Variants in PCDHGA2 observed in about 807,000 individuals in gnomAD.
PCDHGA2 encodes protocadherin gamma-A2.
PCDHGA2 carries 40 observed loss-of-function variants against 59.2 expected under a neutral mutation model. The ratio of observed to expected loss-of-function variants is 0.68; its 90% CI spans 0.52 to 0.88. The LOEUF is 0.88. Ranked by LOEUF, PCDHGA2 falls within the 40% of genes least tolerant of loss-of-function variation. The pLI, the probability that PCDHGA2 is intolerant of heterozygous loss-of-function variation, is 0.00. For synonymous variants in PCDHGA2, 560 were observed against 526.0 expected (o/e 1.06, Z -0.89); for missense variants, 1,226 against 1,204.0 (o/e 1.02, Z -0.27).
At chr5:141,464,729 G>T (rs1412585185) in intron 1 of PCDHGA2, among the ~76,000 whole-genome samples, 1 of 151,948 alleles carries the variant, frequency 6.6e-6, no homozygotes, top group Non-Finnish European at 1.5e-5. Context: ...ATGTTTAAAA[G>T]CCAGTTTATA....
intron 1 of PCDHGA2, chr5:141,427,957 C>G (rs770633827): frequency 1.3e-5 from 20 of 1,588,284 alleles, no homozygotes; most frequent in African/African-American, 2.7e-5. Flanking sequence ...GACAATGTGC[C>G]GCGGGTGCTG....
At chr5:141,403,724 G>A (rs373210176) in intron 1 of PCDHGA2, 2 of 1,613,924 alleles carry the variant, frequency 1.2e-6, no homozygotes, top group Non-Finnish European at 1.7e-6. Flanking sequence ...CGTGCCCCCA[G>A]GCACCTGGCT....
chr5:141,410,036 A>G, intron 1 of PCDHGA2: 1 of 1,613,240 alleles, frequency 6.2e-7, no homozygotes, highest in Non-Finnish European at 8.5e-7. Flanking sequence ...GCTGCAGGCC[A>G]GTGAGCCCGG....
Position 141,339,952 on chromosome 5 carries a change from T to C in PCDHGA2, c.981T>C (p.Leu327=), listed in dbSNP as rs1438037347. The change falls in exon 1 of 4, where the codon CTT becomes CTC. Residue 327 remains leucine (L), a synonymous_variant. Transcript: ENST00000394576. The part of the protein sequence containing the change: ...IDIEAQDGPG[L]LTRAKVIVTV... ...TTGAAGCTCAGGATGGTCCGGGCCTTCTAACCAGAGCGAAGGTTATCGTCA... is the reference window on the plus strand; with the variant it reads ...TTGAAGCTCAGGATGGTCCGGGCCTCCTAACCAGAGCGAAGGTTATCGTCA... 1 of 1,614,170 alleles carries C rather than the reference T, an allele frequency of 6.2e-7. No homozygotes were observed. The highest frequency in any genetic ancestry group is 8.5e-7 in the Non-Finnish European group (1 of 1,180,010).
chr5:141,352,256 G>C (rs1367377007), intron 1 of PCDHGA2: 10 of 1,614,092 alleles, frequency 6.2e-6, no homozygotes, highest in Non-Finnish European at 8.5e-6. Context: ...TAGCCTGCAA[G>C]AGGTATTGCC....
intron 1 of PCDHGA2, chr5:141,393,176 A>G: frequency 1.9e-6 from 3 of 1,613,294 alleles, no homozygotes; most frequent in East Asian, 2.2e-5. Context: ...GGGTAGAAAT[A>G]GAAATAATTG....
intron 1 of PCDHGA2, among the ~76,000 whole-genome samples, chr5:141,448,422 T>C (rs1561930551): frequency 3.9e-5 from 6 of 152,150 alleles, no homozygotes; most frequent in Admixed American, 3.3e-4. Flanking sequence ...CAATATACTA[T>C]GTATATATTG....
chr5:141,357,196 G>A (rs1458493906), intron 1 of PCDHGA2: 3 of 1,613,782 alleles, frequency 1.9e-6, no homozygotes, highest in Admixed American at 3.3e-5. Context: ...GGCTGTGGCC[G>A]ACAGCATCCC....
chr5:141,340,433 A>G lies in PCDHGA2; in HGVS notation c.1462A>G (p.Thr488Ala). The G allele has an allele frequency of 6.2e-7, 1 of 1,614,174 alleles. No individual in the cohort carries two copies. The highest frequency in any genetic ancestry group is 8.5e-7 in the Non-Finnish European group (1 of 1,180,044). The change falls in exon 1 of 4, where the codon ACT becomes GCT. Residue 488 changes from threonine (T) to alanine (A), a missense_variant. Thr to Ala is a moderately conservative substitution (Grantham distance 58). Transcript: ENST00000394576. ...DPDSNDNAHV[T>A]YSFAEDTVQG... ...CGACAGCAACGACAATGCTCATGTA[A>G]CTTACTCTTTCGCGGAGGACACTGT...
At position 141,477,386 on chromosome 5, in the gene PCDHGA2, A is replaced by C; in HGVS notation, c.2425-17421A>C. 1 of 1,614,116 alleles carries C rather than the reference A, an allele frequency of 6.2e-7. No homozygotes were observed. Among genetic ancestry groups the C allele is most frequent in the South Asian group, 1.1e-5 (1 of 91,080 alleles). On this transcript the variant is annotated intron_variant, in intron 1 of 3. Coordinates refer to ENST00000394576, the MANE Select transcript of PCDHGA2 (RefSeq NM_018915.4). The surrounding 1 kb of genome is among the most constrained non-coding windows in gnomAD (Gnocchi z 4.9). ...GGATCGGGAGACTGTGCCAGAATAC[A>C]ACCTCAGCATCACCGCCCGAGACGC...
chr5:141,459,579 T>G (rs1047850142), intron 1 of PCDHGA2, among the ~76,000 whole-genome samples: 2 of 152,212 alleles, frequency 1.3e-5, no homozygotes, highest in African/African-American at 4.8e-5. Context: ...AGAATTGTTT[T>G]GGGGGTCATA....
chr5:141,400,657 T>G (rs2094057580), intron 1 of PCDHGA2: 1 of 1,081,498 alleles, frequency 9.2e-7, no homozygotes, highest in African/African-American at 1.6e-5. Context: ...TGTCCTACCA[T>G]TCTTTAAGAG....
At chr5:141,341,518 G>A in intron 1 of PCDHGA2, 123 bp downstream of exon 1, 2 of 1,518,034 alleles carry the variant, frequency 1.3e-6, no homozygotes, top group Non-Finnish European at 1.8e-6. Flanking sequence ...TAGGAAGTGA[G>A]TCTTGGTGAA....
At chr5:141,404,865 T>C (rs1308625182) in intron 1 of PCDHGA2, 12 of 1,613,552 alleles carry the variant, frequency 7.4e-6, no homozygotes, top group Non-Finnish European at 1.0e-5. Flanking sequence ...AGAGATGCGC[T>C]CAAACAGAGC....
At chr5:141,505,151 G>T (rs2099844154) in intron 2 of PCDHGA2, among the ~76,000 whole-genome samples, 1 of 152,164 alleles carries the variant, frequency 6.6e-6, no homozygotes, top group Non-Finnish European at 1.5e-5. Context: ...GACAGAGTAA[G>T]ACCCTGTCTA....
Position 141,390,485 on chromosome 5 carries a change from T to G in PCDHGA2, c.2424+49090T>G, listed in dbSNP as rs919971230. On this transcript the variant is annotated intron_variant, in intron 1 of 3. Transcript: ENST00000394576. The stretch of plus-strand genomic sequence containing the variant: ...GCAATTGTGTGGCCCAACATTTGTT[T>G]GTTTTTTAGCCAAGCTTAGATTTAT... The G allele has an allele frequency of 1.4e-5, 9 of 656,166 alleles. No homozygotes were observed. The African/African-American group carries it at 1.5e-4, about 11-fold the overall frequency. The allele number at this position is 656,166 out of a possible 1,614,324, so 40.6% of individuals were successfully genotyped here.
intron 1 of PCDHGA2, among the ~76,000 whole-genome samples, chr5:141,458,408 C>A (rs895785923): frequency 6.6e-6 from 1 of 151,932 alleles, no homozygotes; most frequent in East Asian, 1.9e-4. Flanking sequence ...AGAGACGGAG[C>A]GGGGGTTCCA....
In PCDHGA2 at chr5:141,511,519, C is replaced by G; in HGVS notation, c.*346C>G. 2.7e-6 allele frequency: 1 copy of G among 367,516 alleles called. No homozygotes were observed. Among genetic ancestry groups the G allele is most frequent in the African/African-American group, 2.1e-5 (1 of 48,286 alleles). 22.8% of individuals were successfully genotyped at this position (367,516 alleles called of 1,614,324 possible). A position where few individuals can be genotyped will look rare whatever the true frequency, so the allele number is the denominator to read the frequency against. ...CCAAATCAATCAGGCCCATCCATCC[C>G]ATGCCTCCCTCCTCCCCACCCCACT... On this transcript the variant is annotated 3_prime_UTR_variant, in exon 4 of 4. Coordinates refer to ENST00000394576, the MANE Select transcript of PCDHGA2 (RefSeq NM_018915.4).
intron 1 of PCDHGA2, chr5:141,362,374 A>T (rs1561526644): frequency 6.2e-7 from 1 of 1,614,036 alleles, no homozygotes; most frequent in Admixed American, 1.7e-5. Flanking sequence ...CAGTGAGGGT[A>T]CATTGCCCTA....
Sources: gnomAD v4.1 joint callset for allele counts (sites outside exome capture counted in the v4.1 genomes callset) on GRCh38, gnomAD v4.1.1 for gene constraint, Gnocchi (gnomAD v3.1) non-coding constraint, MANE v1.5 for transcripts, NCBI Gene and HGNC (gene_info 2026-07-23, HGNC 2026-07-21) for gene names.